Variants in UNC13C observed in about 807,000 individuals in gnomAD.
UNC13C encodes the protein unc-13 homolog C.
Under a neutral mutation model 245.4 loss-of-function variants are expected in UNC13C, and 174 were observed. That is an observed-to-expected ratio of 0.71 (90% confidence interval 0.63 to 0.80). The LOEUF (loss-of-function observed/expected upper bound fraction) is 0.80, where lower values mean the gene tolerates loss of function less well. UNC13C is among the 30% of genes least tolerant of loss of function. UNC13C has a pLI of 0.00. For synonymous variants in UNC13C, 992 were observed against 895.1 expected, an observed-to-expected ratio of 1.11 and a Z score of -1.93; for missense variants, 2,829 against 2,602.9, an observed-to-expected ratio of 1.09 and a Z score of -1.89.
In UNC13C at chr15:54,026,677, A is replaced by T. The variant is rs189799175; in HGVS notation, c.2983+10791A>T. Reference sequence around the variant, plus strand: ...TACTCCTTTCACTCTTTTTTGAGTGATTTGATTAGTTCCATTGGCTACAGT... The same window carrying T: ...TACTCCTTTCACTCTTTTTTGAGTGTTTTGATTAGTTCCATTGGCTACAGT... On this transcript the variant is annotated intron_variant, in intron 2 of 32. Coordinates refer to ENST00000260323, the MANE Select transcript of UNC13C (RefSeq NM_001080534.3). Among the ~76,000 whole-genome samples, 643 of 152,310 alleles carry T rather than the reference A, an allele frequency of 4.2e-3. 2 individuals are homozygous for T. Among genetic ancestry groups the T allele is most frequent in the Non-Finnish European group, 6.6e-3 (451 of 68,014 alleles).
intron 19 of UNC13C, among the ~76,000 whole-genome samples, chr15:54,452,326 C>A (rs569131436): frequency 3.9e-5 from 6 of 152,062 alleles, no homozygotes; most frequent in Non-Finnish European, 8.8e-5. Context: ...CTGGATAGTG[C>A]GTGGATTATG....
intron 2 of UNC13C, among the ~76,000 whole-genome samples, chr15:54,104,698 T>A (rs896714354): frequency 2.8e-4 from 43 of 151,146 alleles, no homozygotes; most frequent in Admixed American, 1.5e-3. Context: ...GTTTTTTTTT[T>A]AAATTCTGCT....
the UNC13C span, among the ~76,000 whole-genome samples, chr15:53,875,940 A>C: frequency 6.6e-6 from 1 of 152,310 alleles, no homozygotes; most frequent in South Asian, 2.1e-4. Context: ...GGTGGTAAGG[A>C]AAGGATGCCA....
rs374796243 is a variant in UNC13C, at chr15:54,507,077, A to G, written c.5302-40A>G. The G allele has an allele frequency of 4.3e-6, 6 of 1,380,400 alleles. No individual in the cohort carries two copies. In the African/African-American group the frequency reaches 5.7e-5, roughly 13 times the overall value. 85.5% of individuals were successfully genotyped at this position (1,380,400 alleles called of 1,614,324 possible). ...ACTTTATAGCATATTTGTAAACTAC[A>G]TACTTACCTGGGTAAAGTTCACAAT... On this transcript the variant is annotated intron_variant, in intron 22 of 32. Coordinates refer to ENST00000260323, the MANE Select transcript of UNC13C (RefSeq NM_001080534.3).
At chr15:53,951,705 C>G in the UNC13C span, among the ~76,000 whole-genome samples, 1 of 152,084 alleles carries the variant, frequency 6.6e-6, no homozygotes, top group Non-Finnish European at 1.5e-5. Context: ...TAACCACTAC[C>G]CTTCAAGGAT....
chr15:53,855,903 C>T, the UNC13C span, among the ~76,000 whole-genome samples: 21 of 152,052 alleles, frequency 1.4e-4, no homozygotes, highest in African/African-American at 5.1e-4. Context: ...AGAATTCAGA[C>T]CTGAGTCCAT....
the UNC13C span, among the ~76,000 whole-genome samples, chr15:53,924,335 G>T: frequency 6.6e-6 from 1 of 152,148 alleles, no homozygotes; most frequent in African/African-American, 2.4e-5. Flanking sequence ...CAGAAACCTC[G>T]TAATCTTTTT....
chr15:54,064,106 C>A (rs1249153696), intron 2 of UNC13C, among the ~76,000 whole-genome samples: 2 of 151,752 alleles, frequency 1.3e-5, no homozygotes, highest in African/African-American at 4.8e-5. Context: ...TTTGTCAGGT[C>A]TGTCACATTT....
intron 1 of UNC13C, among the ~76,000 whole-genome samples, chr15:53,998,252 C>T (rs1292744417): frequency 6.6e-6 from 1 of 152,068 alleles, no homozygotes; most frequent in African/African-American, 2.4e-5. Flanking sequence ...TTGGGGAGAA[C>T]TGATATATTA....
At chr15:54,047,257 A>C (rs1897078903) in intron 2 of UNC13C, among the ~76,000 whole-genome samples, 1 of 152,052 alleles carries the variant, frequency 6.6e-6, no homozygotes, top group African/African-American at 2.4e-5. Context: ...TTATGATAAA[A>C]TATACATAAC....
At chr15:54,479,044 T>C (rs1234494839) in intron 19 of UNC13C, among the ~76,000 whole-genome samples, 4 of 152,040 alleles carry the variant, frequency 2.6e-5, no homozygotes, top group South Asian at 2.1e-4. Flanking sequence ...GGCACCATTA[T>C]TGAAGAGGGT....
chr15:54,252,336 T>G (rs553359297), intron 8 of UNC13C, among the ~76,000 whole-genome samples: 1 of 152,322 alleles, frequency 6.6e-6, no homozygotes, highest in East Asian at 1.9e-4. Context: ...ACAACATTTA[T>G]TATTTTATAT....
chr15:54,279,728 C>G (rs867684943), intron 10 of UNC13C, among the ~76,000 whole-genome samples: 1 of 152,148 alleles, frequency 6.6e-6, no homozygotes, highest in South Asian at 2.1e-4. Context: ...CTCTTTTTCT[C>G]TGGCAAGAAA....
chr15:53,864,535 A>G, the UNC13C span, among the ~76,000 whole-genome samples: 1 of 152,236 alleles, frequency 6.6e-6, no homozygotes, highest in Admixed American at 6.5e-5. Context: ...TATTAAAGGC[A>G]ATATAGGCCT....
intron 18 of UNC13C, among the ~76,000 whole-genome samples, chr15:54,411,584 CTTG>C (rs1457947413): frequency 1.3e-5 from 2 of 151,834 alleles, no homozygotes; most frequent in Non-Finnish European, 2.9e-5. Flanking sequence ...TTTAGCATCT[CTTG>C]TTGAAAAGAC....
At chr15:53,851,945 T>C in the UNC13C span, among the ~76,000 whole-genome samples, 11 of 152,178 alleles carry the variant, frequency 7.2e-5, no homozygotes, top group Admixed American at 1.3e-4. Flanking sequence ...TCCTTTGTAA[T>C]AATACCTTAT....
At chr15:54,302,180 C>G (rs959220240) in intron 13 of UNC13C, among the ~76,000 whole-genome samples, 1 of 151,986 alleles carries the variant, frequency 6.6e-6, no homozygotes, top group Non-Finnish European at 1.5e-5. Context: ...TTTGTAGATT[C>G]TCGATATTAG....
At chr15:54,459,090 G>T (rs753837430) in intron 19 of UNC13C, among the ~76,000 whole-genome samples, 1 of 152,076 alleles carries the variant, frequency 6.6e-6, no homozygotes, top group Non-Finnish European at 1.5e-5. Flanking sequence ...TGCTGGCGTG[G>T]TAGTGGTGAA....
At chr15:54,363,618 A>G (rs1229632059) in intron 17 of UNC13C, among the ~76,000 whole-genome samples, 1 of 152,240 alleles carries the variant, frequency 6.6e-6, no homozygotes, top group African/African-American at 2.4e-5. Flanking sequence ...GCAGCATGGC[A>G]TGATCAGATA....
Sources: allele counts gnomAD v4.1 joint callset (sites outside exome capture counted in the v4.1 genomes callset), GRCh38; gene constraint gnomAD v4.1.1; transcripts MANE v1.5; gene names NCBI Gene and HGNC (gene_info 2026-07-23, HGNC 2026-07-21).